The following NPAS3 variants were observed in gnomAD, a reference collection of about 807,000 sequenced individuals.
NPAS3 encodes neuronal PAS domain protein 3.
A neutral mutation model predicts 73.1 loss-of-function variants in NPAS3; 14 were observed. The observed-to-expected ratio is 0.19, with a 90% CI of 0.13 to 0.30. The LOEUF (loss-of-function observed/expected upper bound fraction) is 0.30. Among genes scored for constraint, NPAS3 ranks in the 10% least tolerant of loss-of-function variants. The pLI is 1.00. For missense variants in NPAS3, 1,096 were observed against 1,250.0 expected, an observed-to-expected ratio of 0.88 and a Z score of 1.86; for synonymous variants, 620 against 541.5, an observed-to-expected ratio of 1.14 and a Z score of -2.01.
intron 7 of NPAS3, among the ~76,000 whole-genome samples, chr14:33,739,554 C>T (rs1334545653): frequency 6.6e-6 from 1 of 152,122 alleles, no homozygotes; most frequent in Non-Finnish European, 1.5e-5. Flanking sequence ...AAATTAGAAA[C>T]TTCTCTTGTT....
intron 2 of NPAS3, among the ~76,000 whole-genome samples, chr14:33,119,656 C>T (rs1355213328): frequency 6.6e-6 from 1 of 152,002 alleles, no homozygotes; most frequent in Non-Finnish European, 1.5e-5. Flanking sequence ...TCTGTGTCAC[C>T]GTGCACCAGG....
chr14:33,278,864 G>A (rs555182559), intron 3 of NPAS3, among the ~76,000 whole-genome samples: 4 of 152,342 alleles, frequency 2.6e-5, no homozygotes, highest in African/African-American at 9.6e-5. Flanking sequence ...ATGCGAGTGT[G>A]TATATAATTT....
At chr14:33,269,966 T>G (rs1483741338) in intron 3 of NPAS3, among the ~76,000 whole-genome samples, 1 of 152,092 alleles carries the variant, frequency 6.6e-6, no homozygotes, top group Admixed American at 6.6e-5. Flanking sequence ...AAGATGGGAT[T>G]CTTGGGCGGG....
chr14:33,676,506 G>T (rs2059771465), intron 6 of NPAS3, 121 bp downstream of exon 6: 3 of 687,276 alleles, frequency 4.4e-6, no homozygotes, highest in African/African-American at 3.8e-5. Flanking sequence ...ATTCCATGCA[G>T]CTTCCAGTCC....
chr14:33,429,807 G>T (rs1191605982), intron 4 of NPAS3, among the ~76,000 whole-genome samples: 1 of 152,112 alleles, frequency 6.6e-6, no homozygotes, highest in Non-Finnish European at 1.5e-5. Flanking sequence ...GTGCTGCCTG[G>T]CTCTCCACTG....
chr14:33,114,207 T>A (rs2138988495), intron 2 of NPAS3, among the ~76,000 whole-genome samples: 2 of 152,228 alleles, frequency 1.3e-5, no homozygotes, highest in East Asian at 3.9e-4. Flanking sequence ...GGCTAATTTT[T>A]GTATTTTTAG....
At chr14:33,300,930 G>C (rs1361000161) in intron 3 of NPAS3, among the ~76,000 whole-genome samples, 1 of 152,162 alleles carries the variant, frequency 6.6e-6, no homozygotes, top group Non-Finnish European at 1.5e-5. Context: ...AAATAGGATT[G>C]AGGGCCAGGT....
At chr14:33,674,847 T>A (rs2059714141) in intron 5 of NPAS3, among the ~76,000 whole-genome samples, 1 of 152,210 alleles carries the variant, frequency 6.6e-6, no homozygotes, top group African/African-American at 2.4e-5. Flanking sequence ...TGTTAAGATG[T>A]TAATCAAATG....
chr14:33,703,134 T>C (rs1387009614), intron 6 of NPAS3, among the ~76,000 whole-genome samples: 1 of 152,128 alleles, frequency 6.6e-6, no homozygotes, highest in Non-Finnish European at 1.5e-5. Context: ...TACTGTTTAA[T>C]GTAGAACTTG....
At chr14:33,500,798 G>A (rs2139909473) in intron 4 of NPAS3, among the ~76,000 whole-genome samples, 1 of 151,994 alleles carries the variant, frequency 6.6e-6, no homozygotes. Context: ...CTCCAAACAT[G>A]TTTTAAGTGC....
rs184490490 is a variant in NPAS3, at chr14:33,400,379, G to A, written c.468+33111G>A. On this transcript the variant is annotated intron_variant, in intron 4 of 11. Transcript: ENST00000356141. ...ATTTTGCTCACACCTTGTCCTCATG[G>A]AAAATTTAAGTCAAGTTCTGACTTG... is the stretch of plus-strand genomic sequence containing the variant. Among the ~76,000 whole-genome samples, 59 of 152,246 alleles carry A rather than the reference G, an allele frequency of 3.9e-4. No homozygotes were observed. The East Asian group carries it at 7.4e-3, about 19-fold the overall frequency.
intron 2 of NPAS3, among the ~76,000 whole-genome samples, chr14:33,115,484 G>A (rs761397339): frequency 1.3e-5 from 2 of 152,100 alleles, no homozygotes; most frequent in African/African-American, 2.4e-5. Context: ...TCTTTTCTGA[G>A]TCTGAGATTA....
At chr14:33,520,226 C>T (rs1169026534) in intron 4 of NPAS3, among the ~76,000 whole-genome samples, 4 of 152,006 alleles carry the variant, frequency 2.6e-5, no homozygotes, top group East Asian at 3.9e-4. Flanking sequence ...AGTGTTTCTC[C>T]GGGTTATATA....
At chr14:33,437,927 T>C (rs1212615058) in intron 4 of NPAS3, among the ~76,000 whole-genome samples, 1 of 152,224 alleles carries the variant, frequency 6.6e-6, no homozygotes, top group Non-Finnish European at 1.5e-5. Context: ...TATTTTCCAG[T>C]ATATTTCCAG....
intron 1 of NPAS3, among the ~76,000 whole-genome samples, chr14:33,004,098 A>G (rs1260383297): frequency 6.6e-6 from 1 of 152,220 alleles, no homozygotes; most frequent in Non-Finnish European, 1.5e-5. Context: ...TAAATGAATT[A>G]TTAATAGTGT....
chr14:33,578,467 T>G, intron 5 of NPAS3: 1 of 340,622 alleles, frequency 2.9e-6, no homozygotes, highest in Non-Finnish European at 5.7e-6. Flanking sequence ...GTGCTGGGAT[T>G]ACAGGCATAA....
intron 1 of NPAS3, among the ~76,000 whole-genome samples, chr14:33,019,198 T>C (rs1325700125): frequency 1.3e-5 from 2 of 152,238 alleles, no homozygotes; most frequent in Admixed American, 1.3e-4. Context: ...GCCCAAGCTG[T>C]TTAGCACAAT....
chr14:33,787,336 A>G (rs970316446), intron 9 of NPAS3, among the ~76,000 whole-genome samples: 3 of 152,214 alleles, frequency 2.0e-5, no homozygotes, highest in African/African-American at 7.2e-5. Flanking sequence ...AATCAATGAA[A>G]AGTTTTCTGC....
chr14:33,301,335 A>T (rs1403520440), intron 3 of NPAS3, among the ~76,000 whole-genome samples: 3 of 65,082 alleles, frequency 4.6e-5, no homozygotes, highest in South Asian at 8.2e-4. Flanking sequence ...TTTTTTTTTT[A>T]AATCTAGCTG....
Sources: gnomAD v4.1 joint callset for allele counts (sites outside exome capture counted in the v4.1 genomes callset) on GRCh38, gnomAD v4.1.1 for gene constraint, MANE v1.5 for transcripts, NCBI Gene and HGNC (gene_info 2026-07-23, HGNC 2026-07-21) for gene names.